Variants in BRINP3 observed in about 807,000 individuals in gnomAD.
BRINP3 encodes BMP/retinoic acid-inducible neural-specific protein 3.
Under a neutral mutation model 71.0 loss-of-function variants are expected in BRINP3, and 19 were observed. The observed-to-expected ratio is 0.27, with a 90% confidence interval of 0.19 to 0.39. The LOEUF is 0.39. Ranked by LOEUF, BRINP3 falls within the 10% of genes least tolerant of loss-of-function variation. The probability of loss-of-function intolerance (pLI) is 1.00; values close to 1 mark genes in which losing one functional copy is unlikely to be tolerated. For synonymous variants in BRINP3, 380 were observed against 337.7 expected (o/e 1.13, Z -1.37); for missense variants, 959 against 940.8 (o/e 1.02, Z -0.25).
At chr1:190,307,289 G>C (rs1473786707) in intron 2 of BRINP3, among the ~76,000 whole-genome samples, 1 of 54,744 alleles carries the variant, frequency 1.8e-5, no homozygotes. Flanking sequence ...TTTTTTTTGA[G>C]ACAGAGTCTC....
chr1:190,119,987 C>T (rs1054277923), intron 7 of BRINP3, among the ~76,000 whole-genome samples: 8 of 152,194 alleles, frequency 5.3e-5, no homozygotes, highest in Admixed American at 6.5e-5. Flanking sequence ...GTAGTTGAGT[C>T]CATCACATCT....
chr1:190,142,378 C>T (rs374159318), intron 7 of BRINP3, among the ~76,000 whole-genome samples: 3 of 152,108 alleles, frequency 2.0e-5, no homozygotes, highest in Non-Finnish European at 2.9e-5. Context: ...TCATTCTAGT[C>T]AGAAAGTGGA....
At chr1:190,413,421 T>C (rs1251777498) in intron 2 of BRINP3, among the ~76,000 whole-genome samples, 1 of 152,212 alleles carries the variant, frequency 6.6e-6, no homozygotes, top group Non-Finnish European at 1.5e-5. Context: ...GGAAAAAGTG[T>C]CTTTGCAGAT....
At chr1:190,415,518 C>T (rs920351794) in intron 2 of BRINP3, among the ~76,000 whole-genome samples, 1 of 152,108 alleles carries the variant, frequency 6.6e-6, no homozygotes, top group Admixed American at 6.6e-5. Context: ...CAACTTTTAT[C>T]TAAATATAAT....
chr1:190,333,178 C>A (rs573623900), intron 2 of BRINP3, among the ~76,000 whole-genome samples: 39 of 151,776 alleles, frequency 2.6e-4, no homozygotes, highest in Non-Finnish European at 4.6e-4. Context: ...ATTTCTCCCC[C>A]ACTGCATAAA....
At chr1:190,144,729 T>A (rs1027177707) in intron 7 of BRINP3, among the ~76,000 whole-genome samples, 1 of 152,064 alleles carries the variant, frequency 6.6e-6, no homozygotes, top group African/African-American at 2.4e-5. Context: ...AAATGGGTAT[T>A]TTATCACTTT....
intron 2 of BRINP3, among the ~76,000 whole-genome samples, chr1:190,434,585 A>AAT (rs1015135267): frequency 1.6e-4 from 24 of 151,766 alleles, no homozygotes; most frequent in East Asian, 9.7e-4. Context: ...GAGAAATTTA[A>AAT]ATATATATAT....
intron 4 of BRINP3, among the ~76,000 whole-genome samples, chr1:190,235,897 G>T (rs552460401): frequency 1.3e-5 from 2 of 151,830 alleles, no homozygotes; most frequent in African/African-American, 4.8e-5. Flanking sequence ...GATTACTGTT[G>T]ACACCTCTCA....
chr1:190,377,265 CTG>C (rs1365146281), intron 2 of BRINP3, among the ~76,000 whole-genome samples: 1 of 151,990 alleles, frequency 6.6e-6, no homozygotes, highest in Non-Finnish European at 1.5e-5. Context: ...GCAACAAACA[CTG>C]TAAGTGTTTT....
chr1:190,309,411 T>C (rs1451723776), intron 2 of BRINP3, among the ~76,000 whole-genome samples: 1 of 151,834 alleles, frequency 6.6e-6, no homozygotes, highest in African/African-American at 2.4e-5. Flanking sequence ...TTAATACAAT[T>C]GACATATACA....
chr1:190,225,654 T>C (rs763630879), intron 6 of BRINP3, among the ~76,000 whole-genome samples: 3 of 152,136 alleles, frequency 2.0e-5, no homozygotes, highest in East Asian at 3.9e-4. Context: ...TTTAGATAAC[T>C]TCATTGTAGA....
chr1:190,180,517 T>C (rs937008002), intron 6 of BRINP3, among the ~76,000 whole-genome samples: 1 of 152,064 alleles, frequency 6.6e-6, no homozygotes, highest in Non-Finnish European at 1.5e-5. Flanking sequence ...TTATGATATA[T>C]TTTTAGGATA....
At chr1:190,174,166 C>T (rs985979493) in intron 6 of BRINP3, among the ~76,000 whole-genome samples, 1 of 152,048 alleles carries the variant, frequency 6.6e-6, no homozygotes, top group Non-Finnish European at 1.5e-5. Context: ...AGTTAAAATC[C>T]TCATCAGTCC....
intron 6 of BRINP3, among the ~76,000 whole-genome samples, chr1:190,173,963 A>G (rs1041020255): frequency 1.8e-4 from 28 of 152,278 alleles, no homozygotes; most frequent in African/African-American, 6.5e-4. Context: ...CTTGTTAGAG[A>G]ATAAAAGTAA....
chr1:190,278,373 AT>A (rs947405587), intron 3 of BRINP3, among the ~76,000 whole-genome samples: 1 of 151,416 alleles, frequency 6.6e-6, no homozygotes, highest in Non-Finnish European at 1.5e-5. Flanking sequence ...ACAAACCTCC[AT>A]TTTTTTTAAA....
intron 6 of BRINP3, among the ~76,000 whole-genome samples, chr1:190,168,367 T>C (rs1651738204): frequency 6.6e-6 from 1 of 152,152 alleles, no homozygotes; most frequent in Admixed American, 6.5e-5. Context: ...TTAGTAAGTA[T>C]GGCAAATATT....
chr1:190,155,911 T>C (rs932846884), intron 7 of BRINP3, among the ~76,000 whole-genome samples: 2 of 152,080 alleles, frequency 1.3e-5, no homozygotes, highest in African/African-American at 2.4e-5. Flanking sequence ...GCCTCTTTTC[T>C]TTAGAAATTA....
At chr1:190,337,485 G>A (rs1667365952) in intron 2 of BRINP3, among the ~76,000 whole-genome samples, 1 of 152,054 alleles carries the variant, frequency 6.6e-6, no homozygotes, top group South Asian at 2.1e-4. Flanking sequence ...GATAAAAGCA[G>A]GCAGAGGAAC....
At chr1:190,459,044 G>T (rs919509223) in intron 1 of BRINP3, among the ~76,000 whole-genome samples, 10 of 150,062 alleles carry the variant, frequency 6.7e-5, no homozygotes, top group East Asian at 2.0e-4. Context: ...AGTATTTATG[G>T]TTTTTTTCAT....
Sources: gnomAD v4.1 joint callset for allele counts (sites outside exome capture counted in the v4.1 genomes callset) on GRCh38, gnomAD v4.1.1 for gene constraint, MANE v1.5 for transcripts, NCBI Gene and HGNC (gene_info 2026-07-23, HGNC 2026-07-21) for gene names.